PTPN4: variants seen among roughly 807,000 people sequenced by gnomAD.
PTPN4 encodes tyrosine-protein phosphatase non-receptor type 4.
PTPN4 carries 49 observed loss-of-function variants against 135.5 expected under a neutral mutation model. That is an observed-to-expected ratio of 0.36 (90% CI 0.29 to 0.46). The LOEUF (loss-of-function observed/expected upper bound fraction) is 0.46. Ranked by LOEUF, PTPN4 falls within the 20% of genes least tolerant of loss-of-function variation. The pLI is 1.00. For synonymous variants in PTPN4, 333 were observed against 369.9 expected (o/e 0.90, Z 1.14); for missense variants, 860 against 1,101.0 (o/e 0.78, Z 3.10).
chr2:119,967,069 C>G (rs1234895808), intron 25 of PTPN4, among the ~76,000 whole-genome samples: 1 of 152,186 alleles, frequency 6.6e-6, no homozygotes, highest in Non-Finnish European at 1.5e-5. Context: ...CATTTTATAT[C>G]CCAAGTCCCT....
chr2:119,875,176 C>T (rs1443260040), intron 3 of PTPN4, among the ~76,000 whole-genome samples: 2 of 152,086 alleles, frequency 1.3e-5, no homozygotes, highest in Admixed American at 6.6e-5. Flanking sequence ...TGTTTTGCAA[C>T]TTGATGGATT....
intron 9 of PTPN4, among the ~76,000 whole-genome samples, chr2:119,893,463 G>A (rs1340639885): frequency 1.3e-5 from 2 of 152,336 alleles, no homozygotes; most frequent in South Asian, 4.1e-4. Flanking sequence ...CGAAAGAGGG[G>A]TAGGCAATTC....
intron 9 of PTPN4, among the ~76,000 whole-genome samples, chr2:119,888,231 TC>T (rs1302602779): frequency 6.6e-6 from 1 of 152,158 alleles, no homozygotes; most frequent in Non-Finnish European, 1.5e-5. Context: ...ATTTATGAAA[TC>T]TAAGCATTTT....
chr2:119,800,753 G>A (rs1691346770), intron 1 of PTPN4, among the ~76,000 whole-genome samples: 1 of 152,094 alleles, frequency 6.6e-6, no homozygotes, highest in African/African-American at 2.4e-5. Flanking sequence ...GTGAGGTTTA[G>A]GTTGAGGTTC....
intron 2 of PTPN4, among the ~76,000 whole-genome samples, chr2:119,844,354 C>T (rs1338264783): frequency 9.5e-5 from 13 of 136,198 alleles, no homozygotes; most frequent in Non-Finnish European, 2.1e-4. Context: ...GGCTGACCCC[C>T]CCCCCCCACC....
intron 2 of PTPN4, among the ~76,000 whole-genome samples, chr2:119,833,562 C>G (rs1313948056): frequency 6.6e-6 from 1 of 151,964 alleles, no homozygotes; most frequent in Non-Finnish European, 1.5e-5. Context: ...ATTGATTACT[C>G]TTGTGTCTTA....
chr2:119,764,530 T>C (rs1322831970), intron 1 of PTPN4, among the ~76,000 whole-genome samples: 1 of 152,226 alleles, frequency 6.6e-6, no homozygotes, highest in Non-Finnish European at 1.5e-5. Context: ...CACCTGTTTC[T>C]GGAAGAATGC....
At chr2:119,828,055 A>G (rs13417007) in intron 2 of PTPN4, among the ~76,000 whole-genome samples, 28 of 152,086 alleles carry the variant, frequency 1.8e-4, no homozygotes, top group Non-Finnish European at 3.5e-4. Flanking sequence ...GCAGCTTCCA[A>G]TTGGGTCTCC....
chr2:119,896,794 CA>C (rs1678330262), intron 9 of PTPN4, among the ~76,000 whole-genome samples: 1 of 151,712 alleles, frequency 6.6e-6, no homozygotes, highest in South Asian at 2.1e-4. Context: ...ACCTGGTTTT[CA>C]AGGTAATGAA....
At chr2:119,845,150 G>C (rs1677471408) in intron 2 of PTPN4, among the ~76,000 whole-genome samples, 2 of 148,536 alleles carry the variant, frequency 1.3e-5, no homozygotes, top group South Asian at 4.4e-4. Flanking sequence ...GCTGAGGCAG[G>C]AGAATCAGGC....
At chr2:119,877,964 T>C (rs1301648231) in intron 5 of PTPN4, among the ~76,000 whole-genome samples, 1 of 152,084 alleles carries the variant, frequency 6.6e-6, no homozygotes, top group Non-Finnish European at 1.5e-5. Context: ...ATTTATAAAA[T>C]ATATAACCAT....
chr2:119,984,351 G>A lies in PTPN4; in HGVS notation c.*7281G>A, dbSNP rs1040770283. Among the ~76,000 whole-genome samples the A allele has an allele frequency of 6.6e-6, 1 of 152,014 alleles. No individual in the cohort carries two copies. Among genetic ancestry groups the A allele is most frequent in the Non-Finnish European group, 1.5e-5 (1 of 67,996 alleles). On this transcript the variant is annotated 3_prime_UTR_variant, in exon 27 of 27. Transcript: ENST00000263708. ...AAATATGAAGGGGAAAAGTCACTTA[G>A]TTAAAAGTCTAGCTTATGTCATAAT...
intron 24 of PTPN4, among the ~76,000 whole-genome samples, chr2:119,964,656 T>C (rs984310857): frequency 2.0e-5 from 3 of 152,224 alleles, no homozygotes; most frequent in Non-Finnish European, 2.9e-5. Flanking sequence ...TAAAATACTT[T>C]ACACATATAG....
intron 1 of PTPN4, among the ~76,000 whole-genome samples, chr2:119,787,209 T>C (rs1691062578): frequency 6.6e-6 from 1 of 152,200 alleles, no homozygotes; most frequent in Non-Finnish European, 1.5e-5. Context: ...GTATCCTGCC[T>C]GGGCAATAAA....
At chr2:119,796,300 T>C (rs1426418890) in intron 1 of PTPN4, among the ~76,000 whole-genome samples, 3 of 152,176 alleles carry the variant, frequency 2.0e-5, no homozygotes, top group Non-Finnish European at 4.4e-5. Context: ...ATAATGAACA[T>C]ATCTATTACT....
chr2:119,908,609 C>A (rs557327040), intron 10 of PTPN4, among the ~76,000 whole-genome samples: 41 of 152,252 alleles, frequency 2.7e-4, no homozygotes, highest in African/African-American at 9.9e-4. Flanking sequence ...ACTCCCTGTT[C>A]ACTGAGACAC....
intron 2 of PTPN4, among the ~76,000 whole-genome samples, chr2:119,812,598 T>G (rs138753751): frequency 6.6e-6 from 1 of 152,310 alleles, no homozygotes; most frequent in African/African-American, 2.4e-5. Context: ...ATCACTGGGT[T>G]TGTGTTGGCT....
At chr2:119,807,376 A>G (rs2104946417) in intron 1 of PTPN4, among the ~76,000 whole-genome samples, 1 of 152,312 alleles carries the variant, frequency 6.6e-6, no homozygotes, top group East Asian at 1.9e-4. Flanking sequence ...TAGACGCAAT[A>G]AAAAATCATA....
intron 1 of PTPN4, among the ~76,000 whole-genome samples, chr2:119,786,087 C>A (rs535896517): frequency 6.6e-6 from 1 of 152,148 alleles, no homozygotes; most frequent in Non-Finnish European, 1.5e-5. Flanking sequence ...CACTTCTCCT[C>A]CTTTCATATA....
Sources: allele counts gnomAD v4.1 joint callset (sites outside exome capture counted in the v4.1 genomes callset), GRCh38; gene constraint gnomAD v4.1.1; transcripts MANE v1.5; gene names NCBI Gene and HGNC (gene_info 2026-07-23, HGNC 2026-07-21).